The following RBFOX3 variants were observed in gnomAD, a reference collection of about 807,000 sequenced individuals.
RBFOX3 encodes RNA binding fox-1 homolog 3, also known as RNA binding protein fox-1 homolog 3.
RBFOX3 carries 17 observed loss-of-function variants against 48.7 expected under a neutral mutation model. The ratio of observed to expected loss-of-function variants is 0.35; its 90% confidence interval spans 0.24 to 0.52. RBFOX3 has a LOEUF of 0.52. Ranked by LOEUF, RBFOX3 falls within the 20% of genes least tolerant of loss-of-function variation. The probability of loss-of-function intolerance (pLI) is 0.94; values close to 1 mark genes in which losing one functional copy is unlikely to be tolerated. For synonymous variants in RBFOX3, 212 were observed against 209.5 expected (o/e 1.01, Z -0.10); for missense variants, 382 against 497.5 (o/e 0.77, Z 2.21).
At chr17:79,255,372 G>A (rs143540505) in intron 3 of RBFOX3, among the ~76,000 whole-genome samples, 4 of 151,982 alleles carry the variant, frequency 2.6e-5, no homozygotes, top group Non-Finnish European at 4.4e-5. Context: ...TGAGAGACAC[G>A]TGGACACTTC....
At position 79,477,257 on chromosome 17, in the gene RBFOX3, TA is replaced by T. The variant is rs138984353; in HGVS notation, c.-175+5196del. Among the ~76,000 whole-genome samples the T allele has an allele frequency of 0.42, 47,731 of 113,128 alleles. 10,019 individuals carry two copies. Among genetic ancestry groups the T allele is most frequent in the East Asian group, 0.67 (2,482 of 3,714 alleles). The allele number at this position is 113,128 out of a possible 152,430, so 74.2% of individuals were successfully genotyped here. A position where few individuals can be genotyped will look rare whatever the true frequency, so the allele number is the denominator to read the frequency against. On this transcript the variant is annotated intron_variant, in intron 2 of 14. Transcript: ENST00000693108. This position sits in a 1 kb window ranked among gnomAD's most constrained non-coding sequence, Gnocchi z 4.8. The stretch of plus-strand genomic sequence containing the variant: ...CAAAAAAAAATAAATAAAGATAAAT[TA>T]AAAAAAAAAAAAAAAAAAGAGGGCG...
intron 1 of RBFOX3, among the ~76,000 whole-genome samples, chr17:79,577,262 G>A (rs982865961): frequency 3.3e-5 from 5 of 152,180 alleles, no homozygotes; most frequent in Non-Finnish European, 7.3e-5. Flanking sequence ...AAAGTAGTGG[G>A]TGAGTAAGAC....
At chr17:79,321,724 T>A (rs1024975669) in intron 2 of RBFOX3, among the ~76,000 whole-genome samples, 5 of 146,948 alleles carry the variant, frequency 3.4e-5, no homozygotes, top group African/African-American at 9.9e-5. Context: ...TTTTTTTTTA[T>A]AGACGGAGTC....
intron 1 of RBFOX3, among the ~76,000 whole-genome samples, chr17:79,577,039 A>C (rs1455429146): frequency 3.3e-5 from 5 of 152,150 alleles, no homozygotes; most frequent in African/African-American, 1.2e-4. Flanking sequence ...ACTCAAGCCT[A>C]TAGAGCCCAC....
intron 2 of RBFOX3, among the ~76,000 whole-genome samples, chr17:79,351,034 T>G (rs1343612416): frequency 2.0e-5 from 3 of 152,258 alleles, no homozygotes; most frequent in Non-Finnish European, 4.4e-5. Flanking sequence ...CCTGTGCATC[T>G]GGCTGTTTCA....
At chr17:79,424,719 C>A (rs1413969803) in intron 2 of RBFOX3, among the ~76,000 whole-genome samples, 1 of 152,188 alleles carries the variant, frequency 6.6e-6, no homozygotes, top group Non-Finnish European at 1.5e-5. Flanking sequence ...TAGTCTTCCC[C>A]CTCGGGCCGG....
intron 2 of RBFOX3, among the ~76,000 whole-genome samples, chr17:79,333,273 T>A (rs988930055): frequency 5.9e-5 from 9 of 152,288 alleles, no homozygotes; most frequent in East Asian, 3.9e-4. Context: ...GTGTCCTCGC[T>A]TCCTGAACTA....
At chr17:79,294,757 C>T (rs947108933) in intron 3 of RBFOX3, among the ~76,000 whole-genome samples, 2 of 152,214 alleles carry the variant, frequency 1.3e-5, no homozygotes, top group African/African-American at 4.8e-5. Context: ...TTCAGCTCTG[C>T]CCCATGCCTC....
intron 4 of RBFOX3, among the ~76,000 whole-genome samples, chr17:79,223,289 A>C (rs968389970): frequency 6.6e-6 from 1 of 152,110 alleles, no homozygotes; most frequent in Non-Finnish European, 1.5e-5. Flanking sequence ...ACACACATGC[A>C]CGGATGCCCT....
At position 79,218,087 on chromosome 17, in the gene RBFOX3, G is replaced by A. The variant is rs947010069; in HGVS notation, c.-34+17679C>T. On this transcript the variant is annotated intron_variant, in intron 4 of 14. Coordinates refer to ENST00000693108, the MANE Select transcript of RBFOX3 (RefSeq NM_001350451.2). ...GGACGGTGGTACCCACTGGTGATCC[G>A]CAGGGCAAGGATGGAGAAGCCAGTC... is the stretch of plus-strand genomic sequence containing the variant. 1.4e-4 allele frequency among the ~76,000 whole-genome samples: 21 copies of A among 152,276 alleles called. 1 individual carries two copies. Among genetic ancestry groups the A allele is most frequent in the African/African-American group, 5.1e-4 (21 of 41,548 alleles).
At position 79,582,009 on chromosome 17, in the gene RBFOX3, TGTGCCTGTGC is replaced by T. The variant is rs1290078953; in HGVS notation, c.-320+28807_-320+28816del. On this transcript the variant is annotated intron_variant, in intron 1 of 14. Coordinates refer to ENST00000693108, the MANE Select transcript of RBFOX3 (RefSeq NM_001350451.2). Reference sequence around the variant, plus strand: ...ATGCAAGCACGTGCCTGCCCGTGTATGTGCCTGTGCGTGCCTGTGCGTGCCTGTGTATGCA... The same window carrying T: ...ATGCAAGCACGTGCCTGCCCGTGTATGTGCCTGTGCGTGCCTGTGTATGCA... Among the ~76,000 whole-genome samples, 550 of 149,612 alleles carry T rather than the reference TGTGCCTGTGC, an allele frequency of 3.7e-3. 14 individuals are homozygous for T. The highest frequency in any genetic ancestry group is 0.011 in the African/African-American group (430 of 40,348).
chr17:79,464,802 C>G (rs148006271), intron 2 of RBFOX3, among the ~76,000 whole-genome samples: 1 of 152,262 alleles, frequency 6.6e-6, no homozygotes, highest in Non-Finnish European at 1.5e-5. Context: ...CAGCTGAGAA[C>G]AGGCCAGCCC....
At chr17:79,150,882 C>A (rs1368810069) in intron 4 of RBFOX3, among the ~76,000 whole-genome samples, 1 of 152,262 alleles carries the variant, frequency 6.6e-6, no homozygotes, top group African/African-American at 2.4e-5. Flanking sequence ...AATGGGAGGA[C>A]GAGGGCTTGC....
At chr17:79,514,097 G>A (rs1372866515) in intron 1 of RBFOX3, among the ~76,000 whole-genome samples, 5 of 152,156 alleles carry the variant, frequency 3.3e-5, no homozygotes, top group Non-Finnish European at 7.3e-5. Context: ...TGCTGGGTGG[G>A]GACCATGTGT....
At chr17:79,629,169 C>A in the RBFOX3 span, among the ~76,000 whole-genome samples, 3,350 of 152,306 alleles carry the variant, frequency 0.022, 107 homozygotes, top group African/African-American at 0.067. Flanking sequence ...ACAAGTCCAC[C>A]TGGTAAGTGC....
At chr17:79,341,855 C>T (rs897195924) in intron 2 of RBFOX3, among the ~76,000 whole-genome samples, 1 of 152,282 alleles carries the variant, frequency 6.6e-6, no homozygotes, top group Non-Finnish European at 1.5e-5. Context: ...AAACAATTTG[C>T]AGCCGGTGGC....
At chr17:79,121,894 C>G (rs1490891752) in intron 4 of RBFOX3, among the ~76,000 whole-genome samples, 2 of 152,164 alleles carry the variant, frequency 1.3e-5, no homozygotes, top group East Asian at 1.9e-4. Context: ...TTATCTCCAT[C>G]CTGGACTTCT....
chr17:79,181,160 G>A (rs1482371419), intron 4 of RBFOX3, among the ~76,000 whole-genome samples: 1 of 152,232 alleles, frequency 6.6e-6, no homozygotes, highest in African/African-American at 2.4e-5. Flanking sequence ...ATTCAAGGAA[G>A]ACACTGAGGT....
At chr17:79,440,783 G>A (rs6501304) in intron 2 of RBFOX3, among the ~76,000 whole-genome samples, 57,486 of 151,086 alleles carry the variant, frequency 0.38, 11,377 homozygotes, top group Non-Finnish European at 0.44. Context: ...CCAGAGGAAG[G>A]GCCCCCCTGC....
Sources: gnomAD v4.1 joint callset for allele counts (sites outside exome capture counted in the v4.1 genomes callset) on GRCh38, gnomAD v4.1.1 for gene constraint, Gnocchi (gnomAD v3.1) non-coding constraint, MANE v1.5 for transcripts, NCBI Gene and HGNC (gene_info 2026-07-23, HGNC 2026-07-21) for gene names.